The following FOXO1 variants were observed in gnomAD, a reference collection of about 807,000 sequenced individuals.
FOXO1 encodes the protein forkhead box protein O1.
In FOXO1, 6 loss-of-function variants were observed where a neutral mutation model predicts 44.1. That is an observed-to-expected ratio of 0.14 (90% CI 0.07 to 0.27). The LOEUF (loss-of-function observed/expected upper bound fraction) is 0.27. Ranked by LOEUF, FOXO1 falls within the 10% of genes least tolerant of loss-of-function variation. The pLI is 1.00. For synonymous variants in FOXO1, 380 were observed against 362.7 expected, an observed-to-expected ratio of 1.05 and a Z score of -0.54; for missense variants, 737 against 888.8, an observed-to-expected ratio of 0.83 and a Z score of 2.17.
intron 1 of FOXO1, among the ~76,000 whole-genome samples, 154 bp downstream of exon 1, chr13:40,665,429 G>A (rs867745072): frequency 7.0e-5 from 10 of 143,738 alleles, no homozygotes; most frequent in Non-Finnish European, 1.3e-4. Context: ...GACCGGACCC[G>A]GGCGAGGCCA....
intron 1 of FOXO1, among the ~76,000 whole-genome samples, chr13:40,660,861 G>C (rs923825851): frequency 6.6e-6 from 1 of 152,070 alleles, no homozygotes; most frequent in African/African-American, 2.4e-5. Context: ...AGGATCACTT[G>C]AGCCAGGGGC....
chr13:40,615,789 G>A (rs911705361), intron 1 of FOXO1, among the ~76,000 whole-genome samples: 2 of 152,204 alleles, frequency 1.3e-5, no homozygotes, highest in East Asian at 1.9e-4. Context: ...TGGCGTGAAA[G>A]GAGGCCAAGT....
chr13:40,584,350 A>G (rs975910527), intron 1 of FOXO1, among the ~76,000 whole-genome samples: 1 of 151,702 alleles, frequency 6.6e-6, no homozygotes, highest in Non-Finnish European at 1.5e-5. Context: ...GGGGCTGGGC[A>G]TGGTGGCTCA....
chr13:40,560,350 G>A lies in FOXO1; in HGVS notation c.1141C>T (p.Leu381Phe), dbSNP rs1340321845. Reference sequence around the variant, plus strand: ...ACAGTTAATGATGTTGGTGATGAGAGAAGGTTGAGATTATCCAAAAGATTT... The same window carrying A: ...ACAGTTAATGATGTTGGTGATGAGAAAAGGTTGAGATTATCCAAAAGATTT... ...MENLLDNLNL[L>F]SSPTSLTVST... Residue 381 changes from leucine to phenylalanine, a missense_variant, in exon 2 of 3, where the codon CTC becomes TTC. By Grantham distance (22) the Leu-to-Phe change is conservative (BLOSUM62 0). Transcript: ENST00000379561. This position sits in a 1 kb window ranked among gnomAD's most constrained non-coding sequence, Gnocchi z 5.1. The A allele has an allele frequency of 5.0e-6, 8 of 1,614,152 alleles. No homozygotes were observed. The highest frequency in any genetic ancestry group is 6.8e-6 in the Non-Finnish European group (8 of 1,180,036).
chr13:40,606,780 T>A (rs1382846772), intron 1 of FOXO1, among the ~76,000 whole-genome samples: 1 of 151,940 alleles, frequency 6.6e-6, no homozygotes, highest in Non-Finnish European at 1.5e-5. Flanking sequence ...TGTCCCTCCA[T>A]CCTCCCCAAG....
intron 1 of FOXO1, among the ~76,000 whole-genome samples, chr13:40,606,671 G>A (rs1224324711): frequency 6.6e-6 from 1 of 152,142 alleles, no homozygotes; most frequent in African/African-American, 2.4e-5. Context: ...GGGGCTGGGG[G>A]AGAGGCAGGG....
chr13:40,629,333 G>A (rs1200009237), intron 1 of FOXO1, among the ~76,000 whole-genome samples: 2 of 152,140 alleles, frequency 1.3e-5, no homozygotes, highest in Non-Finnish European at 2.9e-5. Context: ...GTAGAGATGG[G>A]GTTTCTCCAT....
intron 1 of FOXO1, among the ~76,000 whole-genome samples, chr13:40,563,206 G>A (rs1370024479): frequency 6.6e-6 from 1 of 152,188 alleles, no homozygotes; most frequent in Non-Finnish European, 1.5e-5. Flanking sequence ...TGGGACGCCC[G>A]GGCCCGAGTG....
chr13:40,650,150 CTATA>C (rs35369700), intron 1 of FOXO1, among the ~76,000 whole-genome samples: 62,675 of 151,620 alleles, frequency 0.41, 14,182 homozygotes, highest in East Asian at 0.75. Flanking sequence ...CCTTTTTAGA[CTATA>C]TATATAGAGT....
In FOXO1 at chr13:40,558,669, G is replaced by T; in HGVS notation, c.*380C>A. On this transcript the variant is annotated 3_prime_UTR_variant, in exon 3 of 3. Coordinates refer to ENST00000379561, the MANE Select transcript of FOXO1 (RefSeq NM_002015.4). ...TTTCCTTGGACCAATTGGATATTTA[G>T]AAAAACCAAAAACACACACAAATAC... 1 of 396,136 alleles carries T rather than the reference G, an allele frequency of 2.5e-6. No individual in the cohort carries two copies. Among genetic ancestry groups the T allele is most frequent in the Non-Finnish European group, 4.4e-6 (1 of 224,720 alleles). 24.5% of individuals were successfully genotyped at this position (396,136 alleles called of 1,614,324 possible). A position where few individuals can be genotyped will look rare whatever the true frequency, so the allele number is the denominator to read the frequency against.
chr13:40,611,044 G>A (rs751764163), intron 1 of FOXO1: 8 of 456,046 alleles, frequency 1.8e-5, no homozygotes, highest in Admixed American at 7.1e-5. Flanking sequence ...TCAACTGAAC[G>A]TGAGGAGAAA....
intron 1 of FOXO1, among the ~76,000 whole-genome samples, chr13:40,640,256 T>G (rs1462321583): frequency 6.6e-6 from 1 of 152,196 alleles, no homozygotes; most frequent in African/African-American, 2.4e-5. Context: ...TTTAGGTCAC[T>G]GTGATTTCTT....
chr13:40,570,650 G>A (rs1025485129), intron 1 of FOXO1, among the ~76,000 whole-genome samples: 1 of 152,156 alleles, frequency 6.6e-6, no homozygotes, highest in Non-Finnish European at 1.5e-5. Flanking sequence ...CCATACCAAA[G>A]CTTTTGCATT....
intron 1 of FOXO1, chr13:40,619,976 C>T: frequency 1.4e-6 from 1 of 691,366 alleles, no homozygotes. Context: ...CGAAGCTGTT[C>T]ACCAATTCAG....
intron 1 of FOXO1, among the ~76,000 whole-genome samples, chr13:40,640,415 G>C (rs1283385622): frequency 6.6e-6 from 1 of 152,206 alleles, no homozygotes; most frequent in Non-Finnish European, 1.5e-5. Flanking sequence ...ATCGTCCAAA[G>C]CAAAACCAAA....
Position 40,629,941 on chromosome 13 carries a change from C to T in FOXO1, c.630+35642G>A, listed in dbSNP as rs574377540. 3.0e-4 allele frequency among the ~76,000 whole-genome samples: 46 copies of T among 152,334 alleles called. 1 individual carries two copies. The highest frequency in any genetic ancestry group is 1.5e-3 in the East Asian group (8 of 5,182). On this transcript the variant is annotated intron_variant, in intron 1 of 2. Coordinates refer to ENST00000379561, the MANE Select transcript of FOXO1 (RefSeq NM_002015.4). ...AATCATTCTGAAACCAGAGGACCTA[C>T]AACAAGTAGCCTGGTTTGGGCTTTT...
chr13:40,569,003 T>C (rs1414876044), intron 1 of FOXO1, among the ~76,000 whole-genome samples: 1 of 152,170 alleles, frequency 6.6e-6, no homozygotes, highest in Non-Finnish European at 1.5e-5. Context: ...ACCAAGAACA[T>C]GCAATATTCC....
chr13:40,599,322 G>C (rs965114774), intron 1 of FOXO1, among the ~76,000 whole-genome samples: 1 of 152,014 alleles, frequency 6.6e-6, no homozygotes, highest in Non-Finnish European at 1.5e-5. Flanking sequence ...CTGTCTAAAA[G>C]AGATGGGATT....
chr13:40,570,235 G>A (rs929877752), intron 1 of FOXO1, among the ~76,000 whole-genome samples: 1 of 151,856 alleles, frequency 6.6e-6, no homozygotes, highest in African/African-American at 2.4e-5. Context: ...GCTTGAACTC[G>A]GGAGGCGGAG....
Sources: gnomAD v4.1 joint callset for allele counts (sites outside exome capture counted in the v4.1 genomes callset) on GRCh38, gnomAD v4.1.1 for gene constraint, Gnocchi (gnomAD v3.1) non-coding constraint, MANE v1.5 for transcripts, NCBI Gene and HGNC (gene_info 2026-07-23, HGNC 2026-07-21) for gene names.